VPS13A: variants seen among roughly 807,000 people sequenced by gnomAD.
The protein encoded by VPS13A is intermembrane lipid transfer protein VPS13A.
Under a neutral mutation model 390.9 loss-of-function variants are expected in VPS13A, and 264 were observed. That is an observed-to-expected ratio of 0.68 (90% confidence interval 0.61 to 0.75). The LOEUF (loss-of-function observed/expected upper bound fraction) is 0.75. Among genes scored for constraint, VPS13A ranks in the 30% least tolerant of loss-of-function variants. VPS13A has a pLI of 0.00. For synonymous variants in VPS13A, 1,231 were observed against 1,227.1 expected (o/e 1.00, Z -0.07); for missense variants, 3,409 against 3,733.9 (o/e 0.91, Z 2.27).
In VPS13A at chr9:77,419,661, T is replaced by C. The variant is rs779343115; in HGVS notation, c.*3655T>C. On this transcript the variant is annotated 3_prime_UTR_variant, in exon 72 of 72. Coordinates refer to ENST00000360280, the MANE Select transcript of VPS13A (RefSeq NM_033305.3). ...TGATTCAGTGGGACCAGAAAAAGCA[T>C]AGAAAAATTAGATCCACACACAGCA... 5.9e-5 allele frequency: 9 copies of C among 152,188 alleles called. No individual in the cohort carries two copies. The South Asian group carries it at 6.2e-4, about 11-fold the overall frequency. The allele number at this position is 152,188 out of a possible 1,614,324, so 9.4% of individuals were successfully genotyped here.
At chr9:77,397,322 T>A (rs1834156103) in intron 68 of VPS13A, among the ~76,000 whole-genome samples, 2 of 151,342 alleles carry the variant, frequency 1.3e-5, no homozygotes, top group Admixed American at 6.6e-5. Context: ...ATTTTTGCTA[T>A]TTTTTTTTAA....
At chr9:77,197,390 G>A (rs12343222) in intron 1 of VPS13A, among the ~76,000 whole-genome samples, 31,062 of 152,076 alleles carry the variant, frequency 0.2, 3,361 homozygotes, top group Middle Eastern at 0.26. Context: ...AGTGCTATCT[G>A]TTTCTCTCCT....
intron 41 of VPS13A, 140 bp downstream of exon 41, chr9:77,318,731 TAGAA>T: frequency 5.6e-6 from 5 of 894,728 alleles, no homozygotes; most frequent in Non-Finnish European, 8.5e-6. Flanking sequence ...CAAAAACTTT[TAGAA>T]AAAAGTTTTC....
At chr9:77,233,873 A>T (rs961079546) in intron 17 of VPS13A, among the ~76,000 whole-genome samples, 5 of 152,142 alleles carry the variant, frequency 3.3e-5, no homozygotes, top group Non-Finnish European at 7.3e-5. Context: ...GTTGTTGGGT[A>T]GAGTAGTCCA....
At chr9:77,229,224 G>T (rs926653791) in intron 17 of VPS13A, among the ~76,000 whole-genome samples, 3 of 151,820 alleles carry the variant, frequency 2.0e-5, no homozygotes, top group Non-Finnish European at 4.4e-5. Flanking sequence ...GACTACAGGC[G>T]CGAGCCACCA....
chr9:77,410,258 C>T (rs1834855280), intron 71 of VPS13A, among the ~76,000 whole-genome samples: 1 of 152,068 alleles, frequency 6.6e-6, no homozygotes, highest in African/African-American at 2.4e-5. Context: ...GAGATTTTGT[C>T]ACCACCAGGC....
At chr9:77,280,372 T>A in intron 27 of VPS13A, 134 bp downstream of exon 27, 1 of 637,380 alleles carries the variant, frequency 1.6e-6, no homozygotes. Context: ...AATACTAAGG[T>A]TTTTTTTATT....
chr9:77,339,470 C>T, intron 47 of VPS13A, 46 bp from the exon 48 acceptor site: 1 of 1,497,544 alleles, frequency 6.7e-7, no homozygotes, highest in Non-Finnish European at 8.9e-7. Context: ...GCATATTATT[C>T]TGCAACATTT....
At chr9:77,248,550 A>C (rs1824965343) in intron 20 of VPS13A, among the ~76,000 whole-genome samples, 1 of 151,766 alleles carries the variant, frequency 6.6e-6, no homozygotes, top group Non-Finnish European at 1.5e-5. Flanking sequence ...TTTTCTTTCC[A>C]AATTTTCAGT....
chr9:77,342,565 A>G (rs1184542931), intron 50 of VPS13A, among the ~76,000 whole-genome samples: 1 of 152,174 alleles, frequency 6.6e-6, no homozygotes, highest in Admixed American at 6.5e-5. Context: ...TGATGGTCCA[A>G]TATGTACAAG....
chr9:77,225,384 C>T (rs115266547), intron 13 of VPS13A, among the ~76,000 whole-genome samples: 36 of 152,144 alleles, frequency 2.4e-4, no homozygotes, highest in African/African-American at 8.7e-4. Context: ...TTAAGTAGCT[C>T]GGACTACAGG....
chr9:77,217,045 A>T (rs561932987), intron 10 of VPS13A, among the ~76,000 whole-genome samples: 2 of 152,266 alleles, frequency 1.3e-5, no homozygotes, highest in East Asian at 3.9e-4. Flanking sequence ...ACACCATCAG[A>T]CACACCCAGG....
At chr9:77,178,293 G>T (rs11145319) in intron 1 of VPS13A, 1 of 154,402 alleles carries the variant, frequency 6.5e-6, no homozygotes, top group Non-Finnish European at 1.4e-5. Flanking sequence ...CGCTGTGACC[G>T]GGGACGCCCG....
chr9:77,410,634 A>G (rs1247235416), intron 71 of VPS13A, among the ~76,000 whole-genome samples: 53 of 128,796 alleles, frequency 4.1e-4, no homozygotes, highest in Admixed American at 3.1e-3. Flanking sequence ...AAAAGGCAGG[A>G]GTTGCAATCC....
intron 1 of VPS13A, among the ~76,000 whole-genome samples, chr9:77,198,799 G>T (rs1825154884): frequency 6.6e-6 from 1 of 152,078 alleles, no homozygotes; most frequent in Non-Finnish European, 1.5e-5. Context: ...AAGTAGCTGG[G>T]ATTACAGGCA....
At chr9:77,355,827 A>C (rs781286288) in intron 54 of VPS13A, among the ~76,000 whole-genome samples, 2 of 152,206 alleles carry the variant, frequency 1.3e-5, no homozygotes, top group Non-Finnish European at 2.9e-5. Flanking sequence ...AAGTGCACAT[A>C]GATCTGACCA....
At chr9:77,306,910 ATTTT>A (rs199833366) in intron 34 of VPS13A, among the ~76,000 whole-genome samples, 1 of 129,862 alleles carries the variant, frequency 7.7e-6, no homozygotes, top group Admixed American at 7.8e-5. Context: ...TTGGCTCTTT[ATTTT>A]TTTTTTTTTT....
intron 23 of VPS13A, 130 bp downstream of exon 23, chr9:77,260,354 T>C (rs1460395792): frequency 3.1e-5 from 17 of 540,678 alleles, no homozygotes; most frequent in Middle Eastern, 7.1e-4. Flanking sequence ...AAAATTACTT[T>C]TTTTTTTTTT....
chr9:77,339,824 A>G lies in VPS13A; in HGVS notation c.6687A>G (p.Ala2229=). 6.2e-7 allele frequency: 1 copy of G among 1,614,080 alleles called. No individual in the cohort carries two copies. Residue 2229 remains alanine (A), a synonymous_variant, in exon 48 of 72, where the codon GCA becomes GCG. Transcript: ENST00000360280. ...CTGGCCGCATGTTACAGTACAAAGC[A>G]GACGGAATTCATCGAAAGCATCCAC... ...NKTGRMLQYK[A]DGIHRKHPPN...
Sources: allele counts gnomAD v4.1 joint callset (sites outside exome capture counted in the v4.1 genomes callset), GRCh38; gene constraint gnomAD v4.1.1; transcripts MANE v1.5; gene names NCBI Gene and HGNC (gene_info 2026-07-23, HGNC 2026-07-21).